TEK: variants seen among roughly 807,000 people sequenced by gnomAD.
TEK encodes the protein TEK receptor tyrosine kinase, also known as angiopoietin-1 receptor.
In TEK, 43 loss-of-function variants were observed where a neutral mutation model predicts 131.8. The observed-to-expected ratio is 0.33, with a 90% CI of 0.26 to 0.42. The LOEUF is 0.42. Among genes scored for constraint, TEK ranks in the 10% least tolerant of loss-of-function variants. The probability of loss-of-function intolerance (pLI) is 1.00; values close to 1 mark genes in which losing one functional copy is unlikely to be tolerated. For synonymous variants in TEK, 580 were observed against 491.6 expected (o/e 1.18, Z -2.38); for missense variants, 1,162 against 1,384.4 (o/e 0.84, Z 2.55).
chr9:27,180,874 T>G (rs973942247), intron 7 of TEK, among the ~76,000 whole-genome samples: 2 of 152,210 alleles, frequency 1.3e-5, no homozygotes, highest in African/African-American at 4.8e-5. Context: ...CTATCTTTTT[T>G]TAAACAGCTT....
chr9:27,116,362 C>G (rs1006353635), intron 1 of TEK, among the ~76,000 whole-genome samples: 2 of 152,042 alleles, frequency 1.3e-5, no homozygotes, highest in African/African-American at 4.8e-5. Flanking sequence ...GATCTTGGCT[C>G]GCTGCAAGCT....
In TEK at chr9:27,123,376, A is replaced by G. The variant is rs554319384; in HGVS notation, c.52+13734A>G. 1.2e-3 allele frequency among the ~76,000 whole-genome samples: 178 copies of G among 152,280 alleles called. 1 individual carries two copies. Among genetic ancestry groups the G allele is most frequent in the African/African-American group, 4.1e-3 (170 of 41,562 alleles). ...GATATGCGGGGGTGTAAAGGGAGTA[A>G]GGAAAGAGCTCTGCCATCACAGGTA... On this transcript the variant is annotated intron_variant, in intron 1 of 22. Transcript: ENST00000380036.
At chr9:27,201,418 A>G (rs1825209040) in intron 12 of TEK, among the ~76,000 whole-genome samples, 1 of 152,208 alleles carries the variant, frequency 6.6e-6, no homozygotes, top group Admixed American at 6.5e-5. Flanking sequence ...ATGTGATCAT[A>G]GTAATCTGAA....
intron 21 of TEK, 124 bp from the exon 22 acceptor site, chr9:27,228,082 G>A: frequency 1.4e-6 from 1 of 707,532 alleles, no homozygotes; most frequent in Admixed American, 2.3e-5. Context: ...CTTCCTAGGG[G>A]CTGTACTTTG....
At chr9:27,213,774 C>A (rs3737187) in intron 18 of TEK, among the ~76,000 whole-genome samples, 177 bp downstream of exon 18, 1 of 151,928 alleles carries the variant, frequency 6.6e-6, no homozygotes, top group African/African-American at 2.4e-5. Flanking sequence ...AACATGATTG[C>A]AGCATCTGCA....
intron 22 of TEK, 71 bp from the exon 23 acceptor site, chr9:27,229,087 T>C (rs1030876989): frequency 2.2e-6 from 3 of 1,395,016 alleles, no homozygotes; most frequent in East Asian, 2.3e-5. Context: ...AACCAAGGTA[T>C]TGCTGTAACT....
At position 27,172,582 on chromosome 9, in the gene TEK, C is replaced by T. The variant is rs375543043; in HGVS notation, c.629-34C>T. 1.9e-6 allele frequency: 3 copies of T among 1,612,302 alleles called. No individual in the cohort carries two copies. In the East Asian group the frequency reaches 6.7e-5, roughly 36 times the overall value. ...TAAAGATGTGTTGAGCGAATGCGCT[C>T]TACTCACCACAGCCTTGTTTTCCTT... On this transcript the variant is annotated intron_variant, in intron 4 of 22. Transcript: ENST00000380036.
chr9:27,112,819 T>A (rs1821397845), intron 1 of TEK, among the ~76,000 whole-genome samples: 1 of 152,214 alleles, frequency 6.6e-6, no homozygotes. Flanking sequence ...GGTAAATGTC[T>A]GGTTCTGTGT....
intron 1 of TEK, among the ~76,000 whole-genome samples, chr9:27,140,099 T>G (rs1286712426): frequency 6.6e-6 from 1 of 152,204 alleles, no homozygotes; most frequent in African/African-American, 2.4e-5. Flanking sequence ...TGGTCCAGGT[T>G]GAATTTCACC....
intron 21 of TEK, among the ~76,000 whole-genome samples, chr9:27,224,237 G>A (rs1255399083): frequency 1.3e-5 from 2 of 152,076 alleles, no homozygotes; most frequent in Admixed American, 1.3e-4. Context: ...TAGAAAAAGA[G>A]GGATCTTTCC....
rs550638682 is a variant in TEK, at chr9:27,205,464, AC to A, written c.2364+400del. On this transcript the variant is annotated intron_variant, in intron 14 of 22. Coordinates refer to ENST00000380036, the MANE Select transcript of TEK (RefSeq NM_000459.5). ...GATAGGTAATGACGTAATATATTAG[AC>A]AAGTTTTCCTCACATTTGCCTATTT... Among the ~76,000 whole-genome samples the A allele has an allele frequency of 1.6e-3, 251 of 152,298 alleles. 1 individual carries two copies. Among genetic ancestry groups the A allele is most frequent in the African/African-American group, 5.8e-3 (239 of 41,564 alleles).
intron 21 of TEK, among the ~76,000 whole-genome samples, chr9:27,221,848 A>C (rs1826097087): frequency 6.6e-6 from 1 of 152,232 alleles, no homozygotes; most frequent in Admixed American, 6.5e-5. Flanking sequence ...CCAAAGGATC[A>C]CAACTCCTTG....
intron 1 of TEK, among the ~76,000 whole-genome samples, chr9:27,137,545 A>C (rs1564052416): frequency 1.3e-5 from 2 of 152,114 alleles, no homozygotes; most frequent in African/African-American, 2.4e-5. Context: ...ATTTTTGGTG[A>C]GATAAGTTAG....
At chr9:27,123,479 G>A (rs1274737531) in intron 1 of TEK, among the ~76,000 whole-genome samples, 1 of 152,200 alleles carries the variant, frequency 6.6e-6, no homozygotes. Context: ...ACTGTAATGA[G>A]GGTAGGTATT....
chr9:27,149,472 C>T (rs1186058636), intron 1 of TEK, among the ~76,000 whole-genome samples: 1 of 152,104 alleles, frequency 6.6e-6, no homozygotes, highest in East Asian at 1.9e-4. Flanking sequence ...TGTCAGCTTC[C>T]TTTTCTACAT....
At chr9:27,226,760 C>T (rs1479387050) in intron 21 of TEK, among the ~76,000 whole-genome samples, 2 of 152,082 alleles carry the variant, frequency 1.3e-5, no homozygotes, top group Non-Finnish European at 2.9e-5. Flanking sequence ...TGCCTAGAAC[C>T]TTGCTTCTGC....
chr9:27,157,306 T>G (rs1466783792), intron 1 of TEK, among the ~76,000 whole-genome samples: 1 of 152,186 alleles, frequency 6.6e-6, no homozygotes, highest in Non-Finnish European at 1.5e-5. Context: ...CTGAGGGAAA[T>G]GAAGACTTCA....
intron 1 of TEK, among the ~76,000 whole-genome samples, chr9:27,152,339 A>G (rs1383530039): frequency 1.3e-5 from 2 of 152,020 alleles, no homozygotes; most frequent in Non-Finnish European, 2.9e-5. Flanking sequence ...TAGCTTGCCA[A>G]CACTTCGAAG....
At chr9:27,209,085 A>C (rs1436959153) in intron 15 of TEK, 36 bp from the exon 16 acceptor site, 15 of 1,481,510 alleles carry the variant, frequency 1.0e-5, no homozygotes, top group Non-Finnish European at 1.4e-5. Flanking sequence ...AAAAGGTGTA[A>C]CAAAGAAGAA....
Sources: gnomAD v4.1 joint callset for allele counts (sites outside exome capture counted in the v4.1 genomes callset) on GRCh38, gnomAD v4.1.1 for gene constraint, MANE v1.5 for transcripts, NCBI Gene and HGNC (gene_info 2026-07-23, HGNC 2026-07-21) for gene names.